TRPM8: variants seen among roughly 807,000 people sequenced by gnomAD.
The protein encoded by TRPM8 is TRPM8 cationic channel.
In TRPM8, 110 loss-of-function variants were observed where a neutral mutation model predicts 133.7. That is an observed-to-expected ratio of 0.82 (90% confidence interval 0.70 to 0.96). The LOEUF is 0.96. TRPM8 is among the 40% of genes least tolerant of loss of function. The pLI is 0.00. For synonymous variants in TRPM8, 535 were observed against 532.3 expected (o/e 1.01, Z -0.07); for missense variants, 1,291 against 1,379.5 (o/e 0.94, Z 1.02).
At chr2:233,922,336 T>A (rs1691428645) in intron 1 of TRPM8, among the ~76,000 whole-genome samples, 1 of 152,178 alleles carries the variant, frequency 6.6e-6, no homozygotes, top group African/African-American at 2.4e-5. Context: ...CATTGGTAAG[T>A]TTAGGGCATG....
At chr2:233,940,037 G>T (rs1690865583) in intron 5 of TRPM8, among the ~76,000 whole-genome samples, 1 of 147,816 alleles carries the variant, frequency 6.8e-6, no homozygotes, top group African/African-American at 2.6e-5. Context: ...ATTCCAAATC[G>T]ATTTAGCTTT....
chr2:233,928,261 G>A (rs1024391213), intron 2 of TRPM8, among the ~76,000 whole-genome samples: 6 of 151,988 alleles, frequency 3.9e-5, no homozygotes, highest in Admixed American at 6.5e-5. Context: ...GACCCACTGC[G>A]CCTGGCCGAG....
At chr2:233,923,801 A>G (rs1164042108) in intron 1 of TRPM8, among the ~76,000 whole-genome samples, 1 of 152,148 alleles carries the variant, frequency 6.6e-6, no homozygotes, top group Non-Finnish European at 1.5e-5. Context: ...ATAAAACAAC[A>G]ACAACAACAA....
intron 11 of TRPM8, among the ~76,000 whole-genome samples, chr2:233,957,507 C>CA (rs1409960641): frequency 1.9e-4 from 28 of 150,624 alleles, no homozygotes; most frequent in South Asian, 4.2e-4. Context: ...CAAACACACA[C>CA]AAAAAAAACC....
chr2:233,942,529 C>T, intron 5 of TRPM8, 47 bp from the exon 6 acceptor site: 2 of 1,606,836 alleles, frequency 1.2e-6, no homozygotes, highest in African/African-American at 1.3e-5. Flanking sequence ...AGAATGGAAA[C>T]TTTGCCCAGT....
intron 4 of TRPM8, 25 bp downstream of exon 4, chr2:233,937,534 C>A (rs1231213530): frequency 3.1e-6 from 5 of 1,600,338 alleles, no homozygotes; most frequent in Admixed American, 3.4e-5. Flanking sequence ...TCTACTTTGG[C>A]AGCTAATTCA....
intron 10 of TRPM8, 49 bp from the exon 11 acceptor site, chr2:233,955,083 C>T (rs1382789096): frequency 2.1e-6 from 3 of 1,425,986 alleles, no homozygotes; most frequent in Non-Finnish European, 3.0e-6. Context: ...GGTTCTCACT[C>T]TTATTTCTGA....
chr2:233,993,574 G>A (rs1692334161), intron 21 of TRPM8, among the ~76,000 whole-genome samples: 1 of 152,202 alleles, frequency 6.6e-6, no homozygotes, highest in Admixed American at 6.5e-5. Flanking sequence ...TACAAAAACA[G>A]GTGGGGGGCT....
At chr2:234,004,226 C>T (rs922990002) in intron 22 of TRPM8, among the ~76,000 whole-genome samples, 2 of 152,110 alleles carry the variant, frequency 1.3e-5, no homozygotes, top group African/African-American at 4.8e-5. Flanking sequence ...TTTATATTCT[C>T]GGAAGAAACA....
chr2:233,951,901 G>A (rs2125134942), intron 9 of TRPM8, among the ~76,000 whole-genome samples: 1 of 152,214 alleles, frequency 6.6e-6, no homozygotes, highest in Admixed American at 6.5e-5. Flanking sequence ...GCAGTCCTGG[G>A]TGACCTCGCT....
Position 234,019,040 on chromosome 2 carries a change from C to T in TRPM8, c.*1784C>T, listed in dbSNP as rs1333261812. On this transcript the variant is annotated 3_prime_UTR_variant, in exon 26 of 26. Transcript: ENST00000324695. The stretch of plus-strand genomic sequence containing the variant: ...TTCTCAGCTTTGAATACACTATAAA[C>T]TCACTGGCTGAAGGAGGAAATTTTA... 1 of 152,014 alleles carries T rather than the reference C, an allele frequency of 6.6e-6. No individual in the cohort carries two copies. 9.4% of individuals were successfully genotyped at this position (152,014 alleles called of 1,614,324 possible).
chr2:233,969,679 C>G lies in TRPM8; in HGVS notation c.2026-16C>G. On this transcript the variant is annotated splice_polypyrimidine_tract_variant and intron_variant, in intron 15 of 25. Coordinates refer to ENST00000324695, the MANE Select transcript of TRPM8 (RefSeq NM_024080.5). ...TGTTAATAAGGACCTTGTTCTCTGT[C>G]TTTGTTTCCCTGTAGAATTTTCTTT... 1.3e-6 allele frequency: 2 copies of G among 1,519,254 alleles called. No individual in the cohort carries two copies. The highest frequency in any genetic ancestry group is 1.8e-6 in the Non-Finnish European group (2 of 1,093,888). 94.1% of individuals were successfully genotyped at this position (1,519,254 alleles called of 1,614,324 possible).
At chr2:233,972,584 T>A (rs1691755493) in intron 17 of TRPM8, among the ~76,000 whole-genome samples, 2 of 152,206 alleles carry the variant, frequency 1.3e-5, no homozygotes, top group Admixed American at 1.3e-4. Context: ...GGCTCAGGCA[T>A]GGTGGGCTGC....
At chr2:233,939,360 G>C (rs867875290) in intron 5 of TRPM8, among the ~76,000 whole-genome samples, 185 bp downstream of exon 5, 2 of 152,216 alleles carry the variant, frequency 1.3e-5, no homozygotes, top group South Asian at 4.1e-4. Context: ...GCAGATAGCG[G>C]GGGAGCTTCA....
chr2:233,927,754 CTTTCTTTCT>C (rs1426947440), intron 2 of TRPM8, among the ~76,000 whole-genome samples: 1 of 66,922 alleles, frequency 1.5e-5, no homozygotes, highest in Admixed American at 1.7e-4. Flanking sequence ...TTCTTTCTTT[CTTTCTTTCT>C]TTCTTTCTTT....
intron 15 of TRPM8, 44 bp from the exon 16 acceptor site, chr2:233,969,651 T>C (rs1483014046): frequency 1.7e-6 from 2 of 1,204,488 alleles, no homozygotes; most frequent in Middle Eastern, 2.0e-4. Flanking sequence ...CTGCATACAA[T>C]TGTGTTAATA....
At chr2:233,996,658 C>T (rs1285658875) in intron 22 of TRPM8, 142 bp downstream of exon 22, 28 of 767,144 alleles carry the variant, frequency 3.6e-5, no homozygotes, top group Non-Finnish European at 5.2e-5. Flanking sequence ...GATCAGGCCT[C>T]AGGCCAACCA....
intron 19 of TRPM8, 90 bp downstream of exon 19, chr2:233,982,005 G>A (rs769684054): frequency 4.3e-5 from 58 of 1,356,404 alleles, no homozygotes; most frequent in Admixed American, 3.8e-4. Context: ...TCCTTAGAAC[G>A]ACTGTTGCAT....
intron 16 of TRPM8, 130 bp downstream of exon 16, chr2:233,969,937 AT>A (rs1239017497): frequency 7.8e-6 from 6 of 765,376 alleles, no homozygotes; most frequent in Non-Finnish European, 1.3e-5. Context: ...TTGCCTATGA[AT>A]TTGGTCTTGT....
Sources: gnomAD v4.1 joint callset for allele counts (sites outside exome capture counted in the v4.1 genomes callset) on GRCh38, gnomAD v4.1.1 for gene constraint, MANE v1.5 for transcripts, NCBI Gene and HGNC (gene_info 2026-07-23, HGNC 2026-07-21) for gene names.